Variants in GRIK5 observed in about 807,000 individuals in gnomAD.
The protein encoded by GRIK5 is glutamate ionotropic receptor kainate type subunit 5.
Under a neutral mutation model 97.4 loss-of-function variants are expected in GRIK5, and 43 were observed. The ratio of observed to expected loss-of-function variants is 0.44; its 90% confidence interval spans 0.35 to 0.57. The LOEUF (loss-of-function observed/expected upper bound fraction) is 0.57, where lower values mean the gene tolerates loss of function less well. GRIK5 is among the 20% of genes least tolerant of loss of function. The probability of loss-of-function intolerance (pLI) is 0.01; values close to 1 mark genes in which losing one functional copy is unlikely to be tolerated. For missense variants in GRIK5, 1,015 were observed against 1,382.0 expected (o/e 0.73, Z 4.21); for synonymous variants, 580 against 583.5 (o/e 0.99, Z 0.09).
rs2075693685 is a variant in GRIK5, at chr19:42,021,324, G to A, written c.1848C>T (p.Ser616=). The A allele has an allele frequency of 6.2e-7, 1 of 1,612,930 alleles. No individual in the cohort carries two copies. The highest frequency in any genetic ancestry group is 1.3e-5 in the African/African-American group (1 of 74,926). ...ACCAGACTCCGCTGACACAGCGCGT[G>A]GACAGCGCCCGGGGCATGATCTCCG... The part of the protein sequence containing the change: ...QGSEIMPRAL[S]TRCVSGVWWA... The change falls in exon 15 of 20, where the codon TCC becomes TCT. Residue 616 remains serine, a synonymous_variant. Transcript: ENST00000593562. The surrounding 1 kb of genome is among the most constrained non-coding windows in gnomAD (Gnocchi z 4.2).
intron 11 of GRIK5, among the ~76,000 whole-genome samples, chr19:42,049,670 G>T (rs537445739): frequency 1.2e-4 from 18 of 152,288 alleles, no homozygotes; most frequent in Middle Eastern, 3.4e-3. Context: ...ACAGCTGGTT[G>T]GTTACACAGG....
At chr19:42,010,052 G>A (rs1314009498) in intron 15 of GRIK5, among the ~76,000 whole-genome samples, 2 of 127,908 alleles carry the variant, frequency 1.6e-5, no homozygotes, top group Admixed American at 1.7e-4. Flanking sequence ...GGCAACAAGA[G>A]TGGAACTCCA....
chr19:42,037,622 G>A (rs2075924241), intron 12 of GRIK5, among the ~76,000 whole-genome samples: 1 of 152,188 alleles, frequency 6.6e-6, no homozygotes, highest in Non-Finnish European at 1.5e-5. Context: ...CCTAACCAGT[G>A]CACTGCTATA....
At chr19:42,029,279 G>A (rs1034371630) in intron 12 of GRIK5, among the ~76,000 whole-genome samples, 4 of 151,690 alleles carry the variant, frequency 2.6e-5, no homozygotes, top group Non-Finnish European at 5.9e-5. Context: ...TGTTGGCCAG[G>A]ATGGTCTCGA....
At chr19:42,025,616 C>T (rs1410396093) in intron 12 of GRIK5, among the ~76,000 whole-genome samples, 2 of 152,182 alleles carry the variant, frequency 1.3e-5, no homozygotes, top group Non-Finnish European at 2.9e-5. Context: ...CTCCCTCACC[C>T]CTCACTGCAT....
chr19:42,067,594 G>A (rs2076354622), intron 1 of GRIK5, among the ~76,000 whole-genome samples: 3 of 152,146 alleles, frequency 2.0e-5, no homozygotes, highest in South Asian at 2.1e-4. Flanking sequence ...GACTCCTGGG[G>A]CAAATCAGGG....
chr19:42,026,104 GCCT>G (rs2075768397), intron 12 of GRIK5, among the ~76,000 whole-genome samples: 1 of 152,078 alleles, frequency 6.6e-6, no homozygotes, highest in Non-Finnish European at 1.5e-5. Flanking sequence ...TCCCACCTCA[GCCT>G]CCTGAGTAGC....
chr19:42,046,083 C>T (rs1006525947), intron 11 of GRIK5, among the ~76,000 whole-genome samples: 6 of 152,136 alleles, frequency 3.9e-5, no homozygotes, highest in Non-Finnish European at 8.8e-5. Context: ...AGAACCAAGG[C>T]TCAGAGAGGT....
rs143492032 is a variant in GRIK5 at position 42,032,181 on chromosome 19, C to A, written c.1474-9827G>T. Reference sequence around the variant, plus strand: ...CACAAACAATAAAAACACCTGGAAACAACTAGTTATGAAAAATGGCTAAAT... The same window carrying A: ...CACAAACAATAAAAACACCTGGAAAAAACTAGTTATGAAAAATGGCTAAAT... On this transcript the variant is annotated intron_variant, in intron 12 of 19. Transcript: ENST00000593562. Among the ~76,000 whole-genome samples, 5 of 152,300 alleles carry A rather than the reference C, an allele frequency of 3.3e-5. No homozygotes were observed. The East Asian group carries it at 5.8e-4, about 18-fold the overall frequency.
Position 42,005,955 on chromosome 19 carries a change from A to G in GRIK5, c.2038-7T>C. Reference sequence around the variant, plus strand: ...ACGTTTGGTACCGTGAATTCTGGGCAGGAGGATCACAAGGGGAAGATGGGA... The same window carrying G: ...ACGTTTGGTACCGTGAATTCTGGGCGGGAGGATCACAAGGGGAAGATGGGA... On this transcript the variant is annotated splice_region_variant and splice_polypyrimidine_tract_variant and intron_variant, in intron 16 of 19. Transcript: ENST00000593562. 1 of 1,448,288 alleles carries G rather than the reference A, an allele frequency of 6.9e-7. No individual in the cohort carries two copies. The highest frequency in any genetic ancestry group is 1.2e-5 in the South Asian group (1 of 84,418). The allele number at this position is 1,448,288 out of a possible 1,614,324, so 89.7% of individuals were successfully genotyped here. A position where few individuals can be genotyped will look rare whatever the true frequency, so the allele number is the denominator to read the frequency against.
In GRIK5 at chr19:42,002,348, C is replaced by G. The variant is rs782637760; in HGVS notation, c.2514+984G>C. On this transcript the variant is annotated intron_variant, in intron 19 of 19. Transcript: ENST00000593562. The surrounding 1 kb of genome is among the most constrained non-coding windows in gnomAD (Gnocchi z 5.2). ...CTGGAGAAATGACAGCATATTTGTA[C>G]GTTGGTGGCCTGAATCCAATAAAGA... The G allele has an allele frequency of 3.1e-5, 22 of 717,446 alleles. No individual in the cohort carries two copies. Among genetic ancestry groups the G allele is most frequent in the Non-Finnish European group, 5.2e-5 (20 of 385,102 alleles). The allele number at this position is 717,446 out of a possible 1,614,324, so 44.4% of individuals were successfully genotyped here.
intron 1 of GRIK5, chr19:42,068,899 C>T: frequency 1.5e-6 from 1 of 684,900 alleles, no homozygotes; most frequent in Non-Finnish European, 2.7e-6. Flanking sequence ...ACAGAAAGAG[C>T]CAGTCTGGGA....
chr19:42,011,283 T>A (rs1057335975), intron 15 of GRIK5, among the ~76,000 whole-genome samples: 1 of 151,892 alleles, frequency 6.6e-6, no homozygotes, highest in Non-Finnish European at 1.5e-5. Flanking sequence ...CTGGGTGCGG[T>A]GGTTTACGCC....
In GRIK5 at chr19:41,998,845, G is replaced by A. The variant is rs2075401774; in HGVS notation, c.*26C>T. On this transcript the variant is annotated 3_prime_UTR_variant, in exon 20 of 20. Coordinates refer to ENST00000593562, the MANE Select transcript of GRIK5 (RefSeq NM_002088.5). ...CGGGCCCCGTCCCTTCGGTCAGTCC[G>A]GGCGCCCGCACAGCCCCGCCCGTGG... is the stretch of plus-strand genomic sequence containing the variant. 12 of 1,104,040 alleles carry A rather than the reference G, an allele frequency of 1.1e-5. No homozygotes were observed. The South Asian group carries it at 2.6e-4, about 24-fold the overall frequency. 68.4% of individuals were successfully genotyped at this position (1,104,040 alleles called of 1,614,324 possible). A position where few individuals can be genotyped will look rare whatever the true frequency, so the allele number is the denominator to read the frequency against.
intron 8 of GRIK5, among the ~76,000 whole-genome samples, chr19:42,055,137 G>T (rs191474756): frequency 6.6e-6 from 1 of 152,254 alleles, no homozygotes; most frequent in Non-Finnish European, 1.5e-5. Flanking sequence ...AACAGTGCCT[G>T]GCACACAGTT....
Position 42,003,567 on chromosome 19 carries a change from G to A in GRIK5, c.2380C>T (p.His794Tyr), listed in dbSNP as rs782038373. ...EGGRCPKEED[H>Y]RAKGLGMENI... ...CGCGGGAACTGACCTTTAGCTCGAT[G>A]GTCCTCCTCCTTGGGGCACCGGCCC... The change falls in exon 18 of 20, where the codon CAT becomes TAT. Residue 794 changes from histidine to tyrosine, a missense_variant. This residue lies in a region of GRIK5 where 229 missense variants were observed against 341.0 expected (regional missense o/e 0.67). Coordinates refer to ENST00000593562, the MANE Select transcript of GRIK5 (RefSeq NM_002088.5). This position sits in a 1 kb window ranked among gnomAD's most constrained non-coding sequence, Gnocchi z 4.2. 1.9e-6 allele frequency: 3 copies of A among 1,611,450 alleles called. No homozygotes were observed.
rs1257768777 is a variant in GRIK5, at chr19:42,042,042, CACATAGTAGGT to C, written c.1473+499_1473+509del. On this transcript the variant is annotated intron_variant, in intron 12 of 19. Transcript: ENST00000593562. This position sits in a 1 kb window ranked among gnomAD's most constrained non-coding sequence, Gnocchi z 6.9. ...ATCCCATGCCCAGCAAGAGGCAAGG[CACATAGTAGGT>C]ACTCAATAAACAGCCACTGAATGGG... Among the ~76,000 whole-genome samples the C allele has an allele frequency of 1.3e-5, 2 of 152,166 alleles. No homozygotes were observed. The highest frequency in any genetic ancestry group is 4.8e-5 in the African/African-American group (2 of 41,428).
At chr19:42,053,757 T>C (rs1205462589) in intron 10 of GRIK5, 48 bp from the exon 11 acceptor site, 2 of 1,540,792 alleles carry the variant, frequency 1.3e-6, no homozygotes, top group African/African-American at 1.4e-5. Context: ...CCTGAGGTCA[T>C]GGCAGCCTCT....
chr19:42,048,416 T>C (rs888305258), intron 11 of GRIK5, among the ~76,000 whole-genome samples: 1 of 151,806 alleles, frequency 6.6e-6, no homozygotes, highest in Non-Finnish European at 1.5e-5. Flanking sequence ...GGTCAGGAGA[T>C]CGAGACCATC....
Sources: allele counts gnomAD v4.1 joint callset (sites outside exome capture counted in the v4.1 genomes callset), GRCh38; gene constraint gnomAD v4.1.1; regional missense constraint gnomAD v4.1.1; non-coding constraint Gnocchi (gnomAD v3.1); transcripts MANE v1.5; gene names NCBI Gene and HGNC (gene_info 2026-07-23, HGNC 2026-07-21).